Variants in EDARADD observed in about 807,000 individuals in gnomAD.
EDARADD encodes ectodysplasin-A receptor-associated adapter protein.
A neutral mutation model predicts 25.6 loss-of-function variants in EDARADD; 20 were observed. The observed-to-expected ratio is 0.78, with a 90% CI of 0.55 to 1.14. EDARADD has a LOEUF of 1.14. EDARADD is among the 50% of genes most tolerant of loss of function. The pLI, the probability that EDARADD is intolerant of heterozygous loss-of-function variation, is 0.00. For missense variants in EDARADD, 225 were observed against 270.1 expected, an observed-to-expected ratio of 0.83 and a Z score of 1.17; for synonymous variants, 86 against 94.4, an observed-to-expected ratio of 0.91 and a Z score of 0.52.
At chr1:236,415,294 G>T (rs902879589) in intron 3 of EDARADD, among the ~76,000 whole-genome samples, 1 of 152,132 alleles carries the variant, frequency 6.6e-6, no homozygotes, top group Non-Finnish European at 1.5e-5. Context: ...AGGGGTGAGG[G>T]ATGCTTGTTA....
At chr1:236,414,385 TA>T in intron 3 of EDARADD, 86 bp downstream of exon 3, 1 of 1,098,872 alleles carries the variant, frequency 9.1e-7, no homozygotes, top group Non-Finnish European at 1.4e-6. Flanking sequence ...TTTCATTATT[TA>T]AAATTGTAAA....
At chr1:236,383,706 C>T (rs976021108) in intron 3 of EDARADD, among the ~76,000 whole-genome samples, 1 of 151,998 alleles carries the variant, frequency 6.6e-6, no homozygotes, top group Non-Finnish European at 1.5e-5. Flanking sequence ...CTTATTTGGT[C>T]ATTTAAAAAT....
At chr1:236,371,130 T>A (rs1223779301) in intron 3 of EDARADD, among the ~76,000 whole-genome samples, 1 of 152,238 alleles carries the variant, frequency 6.6e-6, no homozygotes, top group Non-Finnish European at 1.5e-5. Context: ...GAAACATAGA[T>A]CTTGTACATA....
intron 3 of EDARADD, among the ~76,000 whole-genome samples, chr1:236,417,955 T>C (rs976319277): frequency 1.6e-4 from 16 of 102,590 alleles, no homozygotes; most frequent in African/African-American, 4.8e-4. Context: ...TCTTCTTTTC[T>C]TTTTTTCTTT....
intron 4 of EDARADD, among the ~76,000 whole-genome samples, chr1:236,440,732 G>A (rs898440661): frequency 2.6e-5 from 4 of 152,080 alleles, no homozygotes; most frequent in African/African-American, 4.8e-5. Context: ...TCTGTGACTC[G>A]TGATCTTGAT....
rs181612961 is a variant in EDARADD, at chr1:236,456,860, C to T, written c.220-11371C>T. Among the ~76,000 whole-genome samples the T allele has an allele frequency of 4.6e-3, 700 of 152,196 alleles. 5 individuals carry two copies. Among genetic ancestry groups the T allele is most frequent in the Admixed American group, 0.032 (482 of 15,276 alleles). On this transcript the variant is annotated intron_variant, in intron 4 of 5. Transcript: ENST00000334232. ...CCGTCCTGTGGCCTCACTGACCCAG[C>T]GTCATGCCCTGGTCAAGCATTTTGG...
chr1:236,429,122 C>T (rs1003735687), intron 4 of EDARADD, among the ~76,000 whole-genome samples: 2 of 151,656 alleles, frequency 1.3e-5, no homozygotes, highest in East Asian at 1.9e-4. Context: ...AGAGGGAGAC[C>T]GTGCAAAGGG....
chr1:236,478,700 C>CCT (rs1659579272), intron 5 of EDARADD, among the ~76,000 whole-genome samples: 6 of 152,160 alleles, frequency 3.9e-5, no homozygotes, highest in Admixed American at 3.9e-4. Flanking sequence ...CATTCTCCTG[C>CCT]CTCAGCCTCC....
rs74150463 is a variant in EDARADD at position 236,436,997 on chromosome 1, G to A, written c.219+9547G>A. Among the ~76,000 whole-genome samples the A allele has an allele frequency of 1.7e-3, 259 of 152,334 alleles. 1 individual carries two copies. The highest frequency in any genetic ancestry group is 6.1e-3 in the African/African-American group (255 of 41,580). On this transcript the variant is annotated intron_variant, in intron 4 of 5. Coordinates refer to ENST00000334232, the MANE Select transcript of EDARADD (RefSeq NM_145861.4). ...CATCTTTCAAGTATTTCAGTGCCAA[G>A]AATGTATTACCAGCACTCCCTTAGG...
chr1:236,394,196 GA>G, upstream of EDARADD: 1 of 495,614 alleles, frequency 2.0e-6, no homozygotes, highest in African/African-American at 1.9e-5. Context: ...CCATCTCCAT[GA>G]GAAGTACAGA....
chr1:236,363,019 A>T (rs1667073488), intron 3 of EDARADD, among the ~76,000 whole-genome samples: 1 of 112,728 alleles, frequency 8.9e-6, no homozygotes, highest in Non-Finnish European at 1.8e-5. Context: ...ATATATATAT[A>T]TATATATATA....
rs949291239 is a variant in EDARADD at position 236,409,087 on chromosome 1, AG to A, written c.62-127del. 1.4e-4 allele frequency: 64 copies of A among 456,856 alleles called. 1 individual carries two copies. The highest frequency in any genetic ancestry group is 2.2e-4 in the South Asian group (5 of 22,334). The allele number at this position is 456,856 out of a possible 1,614,324, so 28.3% of individuals were successfully genotyped here. ...ATTTCTTAAAAAAAAAAAAAAAAAA[AG>A]GAGTAAGGTTTTCTTCAGCCTAAGT... is the stretch of plus-strand genomic sequence containing the variant. On this transcript the variant is annotated intron_variant, in intron 1 of 5. Transcript: ENST00000334232.
intron 3 of EDARADD, among the ~76,000 whole-genome samples, chr1:236,374,785 A>T (rs1488072467): frequency 6.6e-6 from 1 of 151,682 alleles, no homozygotes; most frequent in Non-Finnish European, 1.5e-5. Context: ...CATTTAATGT[A>T]TATGTGCCTT....
At chr1:236,365,648 T>A (rs1667105065) in intron 3 of EDARADD, among the ~76,000 whole-genome samples, 2 of 152,130 alleles carry the variant, frequency 1.3e-5, no homozygotes, top group South Asian at 4.1e-4. Context: ...ATTTCTTAGA[T>A]TTGTAGGTGC....
intron 5 of EDARADD, among the ~76,000 whole-genome samples, chr1:236,471,484 A>C (rs1659358976): frequency 6.6e-6 from 1 of 151,784 alleles, no homozygotes; most frequent in Non-Finnish European, 1.5e-5. Context: ...AAAAAAAAAA[A>C]GCATGATTAT....
In EDARADD at chr1:236,442,077, G is replaced by A. The variant is rs187956241; in HGVS notation, c.219+14627G>A. On this transcript the variant is annotated intron_variant, in intron 4 of 5. Transcript: ENST00000334232. The stretch of plus-strand genomic sequence containing the variant: ...TACTAAACAACAGATTTCCAGTGTA[G>A]ACGAAACAACCTTTCACTGGAAGAA... Among the ~76,000 whole-genome samples the A allele has an allele frequency of 4.0e-5, 6 of 151,892 alleles. No individual in the cohort carries two copies. The East Asian group carries it at 1.2e-3, about 29-fold the overall frequency.
At chr1:236,405,816 C>CTTTTT (rs1450882928) in intron 1 of EDARADD, among the ~76,000 whole-genome samples, 17 of 118,620 alleles carry the variant, frequency 1.4e-4, no homozygotes, top group African/African-American at 3.5e-4. Context: ...TTCTTTCCTT[C>CTTTTT]CTTCCTTTCC....
At chr1:236,474,018 G>A (rs984250111) in intron 5 of EDARADD, among the ~76,000 whole-genome samples, 5 of 152,122 alleles carry the variant, frequency 3.3e-5, no homozygotes, top group African/African-American at 7.2e-5. Flanking sequence ...TAGTCCAAGC[G>A]ATACAGGAAA....
At chr1:236,399,765 T>G (rs1667583244) in intron 1 of EDARADD, among the ~76,000 whole-genome samples, 1 of 152,256 alleles carries the variant, frequency 6.6e-6, no homozygotes, top group South Asian at 2.1e-4. Context: ...CACAATTCCT[T>G]GCTTCGTTGC....
Sources: allele counts gnomAD v4.1 joint callset (sites outside exome capture counted in the v4.1 genomes callset), GRCh38; gene constraint gnomAD v4.1.1; transcripts MANE v1.5; gene names NCBI Gene and HGNC (gene_info 2026-07-23, HGNC 2026-07-21).